The following KCNIP4 variants were observed in gnomAD, a reference collection of about 807,000 sequenced individuals.
KCNIP4 encodes the protein Kv channel-interacting protein 4.
In KCNIP4, 12 loss-of-function variants were observed where a neutral mutation model predicts 34.0. The observed-to-expected ratio is 0.35, with a 90% CI of 0.23 to 0.57. The LOEUF (loss-of-function observed/expected upper bound fraction) is 0.57, where lower values mean the gene tolerates loss of function less well. Ranked by LOEUF, KCNIP4 falls within the 20% of genes least tolerant of loss-of-function variation. KCNIP4 has a pLI of 0.83. For missense variants in KCNIP4, 238 were observed against 311.7 expected (o/e 0.76, Z 1.78); for synonymous variants, 124 against 102.2 (o/e 1.21, Z -1.29).
chr4:21,676,062 A>C (rs564399529), intron 1 of KCNIP4, among the ~76,000 whole-genome samples: 61 of 152,272 alleles, frequency 4.0e-4, no homozygotes, highest in Non-Finnish European at 7.2e-4. Context: ...GAAACGCAAT[A>C]AACTTGGTCT....
At chr4:20,967,774 T>A (rs1734520954) in intron 1 of KCNIP4, among the ~76,000 whole-genome samples, 1 of 152,086 alleles carries the variant, frequency 6.6e-6, no homozygotes, top group Non-Finnish European at 1.5e-5. Context: ...TATACAAAAA[T>A]TAACTCAAGA....
chr4:20,912,384 G>A (rs1372210274), intron 1 of KCNIP4, among the ~76,000 whole-genome samples: 3 of 152,042 alleles, frequency 2.0e-5, no homozygotes, highest in Non-Finnish European at 4.4e-5. Context: ...TCATTTCTAT[G>A]TGCTTGCAAT....
intron 3 of KCNIP4, among the ~76,000 whole-genome samples, chr4:20,797,791 C>A (rs529499563): frequency 3.9e-5 from 6 of 152,274 alleles, no homozygotes; most frequent in African/African-American, 1.4e-4. Context: ...AGTAATATAG[C>A]CACAGTCAAC....
At chr4:21,916,289 T>A (rs1296615591) in intron 1 of KCNIP4, among the ~76,000 whole-genome samples, 2 of 152,222 alleles carry the variant, frequency 1.3e-5, no homozygotes, top group African/African-American at 4.8e-5. Context: ...TATCTAGTTA[T>A]TAAAATTAAA....
intron 1 of KCNIP4, among the ~76,000 whole-genome samples, chr4:20,894,475 C>A (rs182906590): frequency 6.6e-6 from 1 of 152,264 alleles, no homozygotes; most frequent in Non-Finnish European, 1.5e-5. Context: ...CTGACCACTG[C>A]CTTTTAATAA....
intron 1 of KCNIP4, among the ~76,000 whole-genome samples, chr4:21,194,044 G>T (rs1391278692): frequency 6.6e-6 from 1 of 152,136 alleles, no homozygotes; most frequent in East Asian, 1.9e-4. Flanking sequence ...GAAGCACAGA[G>T]AAATTTCAAA....
In KCNIP4 at chr4:20,741,285, G is replaced by A. The variant is rs867680751; in HGVS notation, c.430-6550C>T. Among the ~76,000 whole-genome samples the A allele has an allele frequency of 2.6e-4, 40 of 152,014 alleles. No individual in the cohort carries two copies. In the Middle Eastern group the frequency reaches 0.01, roughly 39 times the overall value. Reference sequence around the variant, plus strand: ...GAATATAGATTCTTCTCAGCACTACGTCACACTTATTCCAAAATTGACCAC... The same window carrying A: ...GAATATAGATTCTTCTCAGCACTACATCACACTTATTCCAAAATTGACCAC... On this transcript the variant is annotated intron_variant, in intron 5 of 8. Transcript: ENST00000382152.
intron 3 of KCNIP4, among the ~76,000 whole-genome samples, chr4:20,829,300 C>G (rs572429613): frequency 6.6e-6 from 1 of 152,058 alleles, no homozygotes. Context: ...CTCTGCCACC[C>G]GGGTTCATGC....
At chr4:21,187,522 G>C (rs1755323021) in intron 1 of KCNIP4, among the ~76,000 whole-genome samples, 1 of 152,116 alleles carries the variant, frequency 6.6e-6, no homozygotes, top group African/African-American at 2.4e-5. Context: ...TTTTAAGTAT[G>C]CATACTTGCC....
chr4:21,071,591 G>A (rs1744927017), intron 1 of KCNIP4, among the ~76,000 whole-genome samples: 1 of 151,894 alleles, frequency 6.6e-6, no homozygotes. Flanking sequence ...TTTTAGAATA[G>A]TTTTGTCTAT....
chr4:21,651,254 A>T (rs1456306363), intron 1 of KCNIP4, among the ~76,000 whole-genome samples: 1 of 152,196 alleles, frequency 6.6e-6, no homozygotes, highest in Non-Finnish European at 1.5e-5. Flanking sequence ...CTACCACATA[A>T]TTCTTGAAGG....
At chr4:21,417,292 T>C (rs1725037571) in intron 1 of KCNIP4, among the ~76,000 whole-genome samples, 2 of 152,052 alleles carry the variant, frequency 1.3e-5, no homozygotes, top group South Asian at 4.1e-4. Flanking sequence ...TGTGTGTGTG[T>C]GTCTGTTTGT....
chr4:21,311,303 G>C (rs1242982935), intron 1 of KCNIP4, among the ~76,000 whole-genome samples: 1 of 152,100 alleles, frequency 6.6e-6, no homozygotes, highest in African/African-American at 2.4e-5. Flanking sequence ...GAATTCTAAG[G>C]AAAACACATT....
chr4:21,176,244 C>T (rs1181839000), intron 1 of KCNIP4, among the ~76,000 whole-genome samples: 1 of 152,106 alleles, frequency 6.6e-6, no homozygotes, highest in South Asian at 2.1e-4. Context: ...ACTAAAACAG[C>T]CTTTGTTTTC....
At chr4:20,776,439 G>C (rs1167701175) in intron 3 of KCNIP4, among the ~76,000 whole-genome samples, 1 of 152,090 alleles carries the variant, frequency 6.6e-6, no homozygotes, top group African/African-American at 2.4e-5. Flanking sequence ...GAAGTCTGGG[G>C]TGGTTTATTC....
chr4:20,779,870 C>G (rs1226927175), intron 3 of KCNIP4, among the ~76,000 whole-genome samples: 1 of 152,132 alleles, frequency 6.6e-6, no homozygotes, highest in East Asian at 1.9e-4. Flanking sequence ...GATTCTCCCC[C>G]AGAATTTCTC....
rs561594635 is a variant in KCNIP4 at position 20,748,984 on chromosome 4, G to A, written c.429+678C>T. Among the ~76,000 whole-genome samples, 18 of 150,720 alleles carry A rather than the reference G, an allele frequency of 1.2e-4. 1 individual carries two copies. In the South Asian group the frequency reaches 3.8e-3, roughly 31 times the overall value. On this transcript the variant is annotated intron_variant, in intron 5 of 8. Coordinates refer to ENST00000382152, the MANE Select transcript of KCNIP4 (RefSeq NM_025221.6). ...TTTTACTAGGTGTTTATACACAGTA[G>A]TTCATGAAGGAAATTAAATACTTTC...
chr4:21,653,996 T>G (rs918284629), intron 1 of KCNIP4, among the ~76,000 whole-genome samples: 1 of 152,150 alleles, frequency 6.6e-6, no homozygotes, highest in Non-Finnish European at 1.5e-5. Context: ...AGTACTCGAG[T>G]TAATTTCAAC....
intron 1 of KCNIP4, among the ~76,000 whole-genome samples, chr4:21,575,364 G>T (rs1217965480): frequency 1.3e-5 from 2 of 152,096 alleles, no homozygotes; most frequent in Non-Finnish European, 2.9e-5. Flanking sequence ...CTACATTAGG[G>T]GTTGGATTTT....
Sources: gnomAD v4.1 joint callset for allele counts (sites outside exome capture counted in the v4.1 genomes callset) on GRCh38, gnomAD v4.1.1 for gene constraint, MANE v1.5 for transcripts, NCBI Gene and HGNC (gene_info 2026-07-23, HGNC 2026-07-21) for gene names.